The following MORN3 variants were observed in gnomAD, a reference collection of about 807,000 sequenced individuals.
The protein encoded by MORN3 is MORN repeat-containing protein 3.
MORN3 carries 38 observed loss-of-function variants against 34.7 expected under a neutral mutation model. That is an observed-to-expected ratio of 1.10 (90% confidence interval 0.85 to 1.44). The LOEUF (loss-of-function observed/expected upper bound fraction) is 1.44, where lower values mean the gene tolerates loss of function less well. MORN3 is among the 40% of genes most tolerant of loss of function. The pLI is 0.00. For synonymous variants in MORN3, 109 were observed against 115.3 expected (o/e 0.95, Z 0.35); for missense variants, 311 against 321.7 (o/e 0.97, Z 0.25).
chr12:121,669,598 T>A lies in MORN3; in HGVS notation c.-115A>T, dbSNP rs1893887301. 7.0e-7 allele frequency: 1 copy of A among 1,431,914 alleles called. No individual in the cohort carries two copies. The highest frequency in any genetic ancestry group is 1.8e-5 in the Admixed American group (1 of 56,146). 88.7% of individuals were successfully genotyped at this position (1,431,914 alleles called of 1,614,324 possible). On this transcript the variant is annotated 5_prime_UTR_variant, in exon 1 of 6. Coordinates refer to ENST00000355329, the MANE Select transcript of MORN3 (RefSeq NM_173855.5). ...GCTCAAGTGGGGAGAGTCATGTGTG[T>A]TCTGAGTCCCTGGGGCAGGTGAACA...
chr12:121,664,781 G>T (rs1334632537), intron 1 of MORN3, among the ~76,000 whole-genome samples: 1 of 151,140 alleles, frequency 6.6e-6, no homozygotes, highest in African/African-American at 2.4e-5. Flanking sequence ...TGGGAGAGGG[G>T]TGTCCCTAAA....
chr12:121,652,626 C>T (rs1411288675), intron 5 of MORN3, 102 bp downstream of exon 5: 37 of 1,096,296 alleles, frequency 3.4e-5, no homozygotes, highest in African/African-American at 1.2e-4. Context: ...CCCCACTCCC[C>T]GACCCCAAGC....
chr12:121,666,425 AC>A (rs1893756689), intron 1 of MORN3, among the ~76,000 whole-genome samples: 1 of 151,974 alleles, frequency 6.6e-6, no homozygotes, highest in South Asian at 2.1e-4. Flanking sequence ...AATCACTTGA[AC>A]CTGGGAAGTG....
intron 2 of MORN3, among the ~76,000 whole-genome samples, chr12:121,655,333 C>T (rs1238437706): frequency 6.7e-6 from 1 of 149,110 alleles, no homozygotes; most frequent in African/African-American, 2.5e-5. Flanking sequence ...GGGTGAGACG[C>T]TATCTCAAAA....
chr12:121,667,725 T>A (rs1396588456), intron 1 of MORN3, among the ~76,000 whole-genome samples: 2 of 151,040 alleles, frequency 1.3e-5, no homozygotes, highest in African/African-American at 2.4e-5. Flanking sequence ...AGTCTTTTTT[T>A]TTTTCTTTTT....
intron 2 of MORN3, among the ~76,000 whole-genome samples, chr12:121,657,713 C>A (rs1893452051): frequency 6.6e-6 from 1 of 151,854 alleles, no homozygotes. Context: ...ACTAAAAATA[C>A]AAAATTAGCA....
chr12:121,653,861 T>C (rs577360289), intron 3 of MORN3, among the ~76,000 whole-genome samples: 1 of 152,036 alleles, frequency 6.6e-6, no homozygotes, highest in African/African-American at 2.4e-5. Context: ...CATTTTGAAG[T>C]GTATAGTTCA....
chr12:121,670,895 G>A (rs571788024), upstream of MORN3, among the ~76,000 whole-genome samples: 7 of 152,078 alleles, frequency 4.6e-5, no homozygotes, highest in Admixed American at 3.3e-4. Context: ...TGGATCACCC[G>A]AGGTCAGGAG....
At chr12:121,663,751 T>G (rs1047599829) in intron 1 of MORN3, among the ~76,000 whole-genome samples, 1 of 142,470 alleles carries the variant, frequency 7.0e-6, no homozygotes, top group Non-Finnish European at 1.5e-5. Flanking sequence ...CCTTTATTGG[T>G]TTTTTTTATT....
chr12:121,658,092 G>T (rs1245872352), intron 2 of MORN3, among the ~76,000 whole-genome samples: 2 of 152,038 alleles, frequency 1.3e-5, no homozygotes, highest in Admixed American at 6.6e-5. Context: ...AAACTCTGCT[G>T]CTGGAATGTT....
Position 121,650,661 on chromosome 12 carries a change from T to C in MORN3, c.*990A>G, listed in dbSNP as rs375877153. On this transcript the variant is annotated 3_prime_UTR_variant, in exon 6 of 6. Transcript: ENST00000355329. ...GCCTGACCAACATGGTGATACCCCA[T>C]CTCTACTAAAAATACAAAAATTAGC... The C allele has an allele frequency of 5.4e-5, 8 of 148,980 alleles. No individual in the cohort carries two copies. The highest frequency in any genetic ancestry group is 2.0e-4 in the African/African-American group (8 of 40,554). The allele number at this position is 148,980 out of a possible 1,614,324, so 9.2% of individuals were successfully genotyped here.
chr12:121,664,568 G>A (rs924088471), intron 1 of MORN3, among the ~76,000 whole-genome samples: 7 of 152,160 alleles, frequency 4.6e-5, no homozygotes, highest in African/African-American at 7.2e-5. Context: ...AGACCAGCCT[G>A]GCCAACATGG....
chr12:121,669,940 C>G (rs932795131), upstream of MORN3, among the ~76,000 whole-genome samples: 1 of 151,438 alleles, frequency 6.6e-6, no homozygotes, highest in African/African-American at 2.4e-5. Context: ...GTGGCACCAT[C>G]TCGGCTTACT....
upstream of MORN3, among the ~76,000 whole-genome samples, chr12:121,670,548 C>T (rs924128595): frequency 5.3e-5 from 8 of 152,180 alleles, no homozygotes; most frequent in African/African-American, 1.9e-4. Context: ...GTGGCTCATG[C>T]CTGTAATCCC....
upstream of MORN3, among the ~76,000 whole-genome samples, chr12:121,669,832 A>AT (rs63366260): frequency 0.032 from 4,232 of 133,554 alleles, 126 homozygotes; most frequent in Middle Eastern, 0.053. Flanking sequence ...ATATATATAT[A>AT]TTTTTTTTTT....
chr12:121,652,965 C>G, intron 4 of MORN3, 110 bp downstream of exon 4: 1 of 1,441,318 alleles, frequency 6.9e-7, no homozygotes, highest in Non-Finnish European at 9.5e-7. Flanking sequence ...CTTGTCTGTT[C>G]CCTGTCTGGG....
intron 1 of MORN3, among the ~76,000 whole-genome samples, chr12:121,668,448 G>A (rs993092266): frequency 1.3e-5 from 2 of 152,194 alleles, no homozygotes; most frequent in African/African-American, 2.4e-5. Context: ...GGCTGAGGCA[G>A]GAGAATCGCC....
chr12:121,654,580 G>C (rs528073279), intron 2 of MORN3, 147 bp from the exon 3 acceptor site: 1 of 834,872 alleles, frequency 1.2e-6, no homozygotes, highest in Non-Finnish European at 1.8e-6. Flanking sequence ...GTGTCTTAGC[G>C]GAGTATCCTG....
chr12:121,652,676 C>T lies in MORN3; in HGVS notation c.*6+52G>A, dbSNP rs555173692. 14 of 1,555,750 alleles carry T rather than the reference C, an allele frequency of 9.0e-6. No individual in the cohort carries two copies. The African/African-American group carries it at 1.8e-4, about 20-fold the overall frequency. Reference sequence around the variant, plus strand: ...AGGAGATCTGTGCATTGTTCTGGGCCCTGGAGCAGCCTCAGCCACATCAGA... The same window carrying T: ...AGGAGATCTGTGCATTGTTCTGGGCTCTGGAGCAGCCTCAGCCACATCAGA... On this transcript the variant is annotated intron_variant, in intron 5 of 5. Coordinates refer to ENST00000355329, the MANE Select transcript of MORN3 (RefSeq NM_173855.5).
Sources: gnomAD v4.1 joint callset for allele counts (sites outside exome capture counted in the v4.1 genomes callset) on GRCh38, gnomAD v4.1.1 for gene constraint, MANE v1.5 for transcripts, NCBI Gene and HGNC (gene_info 2026-07-23, HGNC 2026-07-21) for gene names.